Variants in RBFOX1 observed in about 807,000 individuals in gnomAD.
RBFOX1 encodes the protein RNA binding protein fox-1 homolog 1.
Under a neutral mutation model 57.7 loss-of-function variants are expected in RBFOX1, and 8 were observed. The observed-to-expected ratio is 0.14, with a 90% confidence interval of 0.08 to 0.25. RBFOX1 has a LOEUF of 0.25. RBFOX1 is among the 10% of genes least tolerant of loss of function. The probability of loss-of-function intolerance (pLI) is 1.00; values close to 1 mark genes in which losing one functional copy is unlikely to be tolerated. For synonymous variants in RBFOX1, 326 were observed against 222.4 expected (o/e 1.47, Z -4.15); for missense variants, 611 against 548.5 (o/e 1.11, Z -1.14).
chr16:6,559,348 AT>A (rs2097148497), intron 2 of RBFOX1, among the ~76,000 whole-genome samples: 1 of 152,098 alleles, frequency 6.6e-6, no homozygotes, highest in Non-Finnish European at 1.5e-5. Flanking sequence ...ATGTGTGTAT[AT>A]GTGTGTATAT....
In RBFOX1 at chr16:7,235,590, C is replaced by T. The variant is rs927996074; in HGVS notation, c.27+183492C>T. The stretch of plus-strand genomic sequence containing the variant: ...GATGGAAAGGCAGTGGCTGCGTTTG[C>T]CCTTTCAATTGATGGGCAGCCATAT... On this transcript the variant is annotated intron_variant, in intron 4 of 15. Transcript: ENST00000550418. 2.6e-4 allele frequency among the ~76,000 whole-genome samples: 40 copies of T among 152,246 alleles called. 1 individual carries two copies. Among genetic ancestry groups the T allele is most frequent in the Admixed American group, 1.7e-3 (26 of 15,286 alleles).
intron 2 of RBFOX1, among the ~76,000 whole-genome samples, chr16:5,490,734 G>C (rs1028507436): frequency 1.3e-5 from 2 of 152,176 alleles, no homozygotes; most frequent in Non-Finnish European, 2.9e-5. Context: ...AGCCGCGTGG[G>C]AGAGCAGAGA....
chr16:6,173,857 G>A (rs564880296), intron 1 of RBFOX1, among the ~76,000 whole-genome samples: 232 of 152,008 alleles, frequency 1.5e-3, no homozygotes, highest in Non-Finnish European at 2.5e-3. Context: ...TGATCTGCCT[G>A]CCTTGGCCTC....
At chr16:6,255,659 G>A (rs116625507) in intron 1 of RBFOX1, among the ~76,000 whole-genome samples, 2 of 152,034 alleles carry the variant, frequency 1.3e-5, no homozygotes, top group African/African-American at 2.4e-5. Flanking sequence ...GAAGTATGAC[G>A]GATTGGATAA....
intron 3 of RBFOX1, among the ~76,000 whole-genome samples, chr16:6,768,344 T>A (rs1300159632): frequency 2.5e-5 from 3 of 119,542 alleles, no homozygotes; most frequent in African/African-American, 3.7e-5. Context: ...ATTTCAAAAA[T>A]TTTTTTTCTT....
chr16:6,230,971 T>C (rs937827451), intron 1 of RBFOX1, among the ~76,000 whole-genome samples: 2 of 152,194 alleles, frequency 1.3e-5, no homozygotes, highest in Non-Finnish European at 2.9e-5. Flanking sequence ...GGGCTTGCAG[T>C]CTGGGAGGAG....
chr16:6,739,445 A>G (rs1300442554), intron 3 of RBFOX1, among the ~76,000 whole-genome samples: 1 of 152,076 alleles, frequency 6.6e-6, no homozygotes, highest in East Asian at 1.9e-4. Context: ...CCCTATAACT[A>G]TTAAGGAAAT....
rs35531242 is a variant in RBFOX1, at chr16:5,559,165, C to CAA, written c.259-39713_259-39712dup. 5.3e-3 allele frequency among the ~76,000 whole-genome samples: 345 copies of CAA among 65,334 alleles called. 11 individuals are homozygous for CAA. The highest frequency in any genetic ancestry group is 6.9e-3 in the African/African-American group (108 of 15,736). The allele number at this position is 65,334 out of a possible 152,430, so 42.9% of individuals were successfully genotyped here. A position where few individuals can be genotyped will look rare whatever the true frequency, so the allele number is the denominator to read the frequency against. ...ATATAGCTAGGAGAACCCCCCCAGG[C>CAA]AAAAAAAAAAAAAAAAAAAAAAAAA... On this transcript the variant is annotated intron_variant, in intron 2 of 2. Transcript: ENST00000585867.
At chr16:6,675,263 C>G (rs1409043906) in intron 3 of RBFOX1, among the ~76,000 whole-genome samples, 3 of 152,132 alleles carry the variant, frequency 2.0e-5, no homozygotes, top group South Asian at 2.1e-4. Context: ...CCCTAGGGAA[C>G]TAACATATTT....
At chr16:7,665,969 A>G (rs2069131639) in intron 13 of RBFOX1, among the ~76,000 whole-genome samples, 1 of 152,216 alleles carries the variant, frequency 6.6e-6, no homozygotes, top group Non-Finnish European at 1.5e-5. Context: ...CTACTATTGC[A>G]TCAAGTATAC....
intron 14 of RBFOX1, among the ~76,000 whole-genome samples, chr16:7,698,210 G>GTC: frequency 7.6e-6 from 1 of 131,356 alleles, no homozygotes; most frequent in African/African-American, 2.7e-5. Context: ...GTGTGTGTGT[G>GTC]TGTGTATAAA....
intron 4 of RBFOX1, among the ~76,000 whole-genome samples, chr16:7,406,601 G>T (rs1243088541): frequency 2.6e-5 from 4 of 152,232 alleles, no homozygotes; most frequent in Non-Finnish European, 4.4e-5. Context: ...GGAATCCAGT[G>T]TTGGCCTGCC....
chr16:7,057,941 G>A (rs1427152407), intron 4 of RBFOX1, among the ~76,000 whole-genome samples: 2 of 146,670 alleles, frequency 1.4e-5, no homozygotes, highest in Admixed American at 7.1e-5. Flanking sequence ...CCGGGAGGTG[G>A]AGGTTGCAGT....
chr16:6,709,490 G>C (rs1182052165), intron 3 of RBFOX1, among the ~76,000 whole-genome samples: 1 of 152,180 alleles, frequency 6.6e-6, no homozygotes, highest in South Asian at 2.1e-4. Flanking sequence ...AAAAAGAGGG[G>C]TTGACCTACT....
At chr16:5,913,852 C>T (rs2058653984) in intron 4 of RBFOX1, among the ~76,000 whole-genome samples, 1 of 152,214 alleles carries the variant, frequency 6.6e-6, no homozygotes, top group Admixed American at 6.5e-5. Context: ...ATGTACCAGA[C>T]ACCATGCTGA....
intron 2 of RBFOX1, among the ~76,000 whole-genome samples, chr16:6,513,690 C>G (rs2096303138): frequency 1.3e-5 from 2 of 152,106 alleles, no homozygotes; most frequent in Admixed American, 1.3e-4. Context: ...GCCGAAATCG[C>G]ACCATTGCAC....
chr16:6,672,025 A>C (rs1415992189), intron 3 of RBFOX1, among the ~76,000 whole-genome samples: 1 of 152,202 alleles, frequency 6.6e-6, no homozygotes, highest in Non-Finnish European at 1.5e-5. Flanking sequence ...CACTGTACCA[A>C]ATGTTTCTGA....
chr16:7,549,555 G>T (rs1353626063), intron 5 of RBFOX1, among the ~76,000 whole-genome samples: 1 of 152,184 alleles, frequency 6.6e-6, no homozygotes, highest in Non-Finnish European at 1.5e-5. Flanking sequence ...CCGAGTCCTA[G>T]AGCCTCAAAA....
intron 3 of RBFOX1, among the ~76,000 whole-genome samples, chr16:6,724,695 A>T (rs11641284): frequency 6.6e-6 from 1 of 152,040 alleles, no homozygotes; most frequent in African/African-American, 2.4e-5. Context: ...AACATTTAAG[A>T]GTTCAGATTA....
Sources: allele counts gnomAD v4.1 joint callset (sites outside exome capture counted in the v4.1 genomes callset), GRCh38; gene constraint gnomAD v4.1.1; transcripts MANE v1.5; gene names NCBI Gene and HGNC (gene_info 2026-07-23, HGNC 2026-07-21).